Variants in PLSCR4 observed in about 807,000 individuals in gnomAD.
The protein encoded by PLSCR4 is phospholipid scramblase 4.
In PLSCR4, 25 loss-of-function variants were observed where a neutral mutation model predicts 36.3. The observed-to-expected ratio is 0.69, with a 90% CI of 0.50 to 0.96. The LOEUF (loss-of-function observed/expected upper bound fraction) is 0.96. PLSCR4 is among the 40% of genes least tolerant of loss of function. The pLI is 0.00. For missense variants in PLSCR4, 408 were observed against 414.7 expected (o/e 0.98, Z 0.14); for synonymous variants, 122 against 132.9 (o/e 0.92, Z 0.56).
intron 1 of PLSCR4, among the ~76,000 whole-genome samples, chr3:146,230,467 A>T (rs902699174): frequency 6.6e-6 from 1 of 152,224 alleles, no homozygotes; most frequent in African/African-American, 2.4e-5. Context: ...AACTGATCAC[A>T]TTCCTCCCTG....
At chr3:146,218,932 G>A (rs1021075834) in intron 3 of PLSCR4, among the ~76,000 whole-genome samples, 4 of 151,936 alleles carry the variant, frequency 2.6e-5, no homozygotes, top group Non-Finnish European at 5.9e-5. Flanking sequence ...TATTTTTGTG[G>A]GAACACATAT....
intron 4 of PLSCR4, among the ~76,000 whole-genome samples, chr3:146,203,091 T>C (rs2034131662): frequency 6.6e-6 from 1 of 152,090 alleles, no homozygotes; most frequent in South Asian, 2.1e-4. Flanking sequence ...GAATCATGAA[T>C]GTCCTTATTG....
intron 1 of PLSCR4, among the ~76,000 whole-genome samples, chr3:146,229,912 C>T (rs1238757857): frequency 6.6e-6 from 1 of 152,218 alleles, no homozygotes; most frequent in Non-Finnish European, 1.5e-5. Context: ...GCATGAGCCA[C>T]TGCACCTAGC....
chr3:146,225,682 G>C (rs1173898488), intron 1 of PLSCR4, among the ~76,000 whole-genome samples: 2 of 152,210 alleles, frequency 1.3e-5, no homozygotes, highest in Non-Finnish European at 2.9e-5. Flanking sequence ...CAGGAGCTAA[G>C]TCCCTCATTG....
rs140342162 is a variant in PLSCR4 at position 146,199,886 on chromosome 3, C to T, written c.551G>A (p.Arg184Gln). The T allele has an allele frequency of 1.2e-3, 1,957 of 1,613,490 alleles. 20 individuals are homozygous for T. In the African/African-American group the frequency reaches 0.021, roughly 17 times the overall value. The change falls in exon 6 of 9, where the codon CGA becomes CAA. Residue 184 changes from arginine (R) to glutamine (Q), a missense_variant. Transcript: ENST00000354952. ...FVLRVTDCMG[R>Q]EIMTMQRPFR... ...GGGTCTCTGCATTGTCATGATTTCT[C>T]GGCCCATACAATCAGTGACCCGGAG... is the stretch of plus-strand genomic sequence containing the variant.
At chr3:146,239,195 C>T (rs2107843937) in intron 1 of PLSCR4, among the ~76,000 whole-genome samples, 1 of 152,224 alleles carries the variant, frequency 6.6e-6, no homozygotes, top group African/African-American at 2.4e-5. Flanking sequence ...TATCAAAATA[C>T]AAGTTGCCTT....
chr3:146,212,588 T>C (rs2034682396), intron 3 of PLSCR4, among the ~76,000 whole-genome samples: 1 of 152,012 alleles, frequency 6.6e-6, no homozygotes. Context: ...TAACTGGGAC[T>C]ACAGGAGTAC....
chr3:146,209,543 G>GT (rs1335844870), intron 3 of PLSCR4, among the ~76,000 whole-genome samples: 4 of 151,914 alleles, frequency 2.6e-5, no homozygotes, highest in Admixed American at 2.6e-4. Flanking sequence ...ATTTCACTAT[G>GT]TTTTTTTAAA....
At chr3:146,225,924 C>A (rs2035455263) in intron 1 of PLSCR4, among the ~76,000 whole-genome samples, 1 of 152,218 alleles carries the variant, frequency 6.6e-6, no homozygotes, top group Admixed American at 6.5e-5. Flanking sequence ...GAAGTGGGAG[C>A]CCAGGCAGAG....
chr3:146,236,848 A>C (rs1040488647), intron 1 of PLSCR4, among the ~76,000 whole-genome samples: 2 of 152,202 alleles, frequency 1.3e-5, no homozygotes, highest in African/African-American at 2.4e-5. Flanking sequence ...AGAAAGATGA[A>C]AGAGAAAAGG....
At chr3:146,216,741 C>T (rs1484777332) in intron 3 of PLSCR4, among the ~76,000 whole-genome samples, 1 of 152,062 alleles carries the variant, frequency 6.6e-6, no homozygotes, top group African/African-American at 2.4e-5. Flanking sequence ...GAAGAGCACC[C>T]CAGGCGTGAT....
chr3:146,206,871 G>A (rs2034362944), intron 3 of PLSCR4, 110 bp from the exon 4 acceptor site: 6 of 701,432 alleles, frequency 8.6e-6, no homozygotes, highest in African/African-American at 7.2e-5. Flanking sequence ...ATAACAACTT[G>A]TTCCATTTTT....
intron 3 of PLSCR4, among the ~76,000 whole-genome samples, chr3:146,219,800 C>T (rs550028228): frequency 6.6e-6 from 1 of 152,080 alleles, no homozygotes; most frequent in South Asian, 2.1e-4. Flanking sequence ...ATTAGCCGGG[C>T]GTGGTGGTGC....
intron 3 of PLSCR4, among the ~76,000 whole-genome samples, chr3:146,219,211 C>T (rs1009464383): frequency 6.6e-6 from 1 of 152,214 alleles, no homozygotes; most frequent in African/African-American, 2.4e-5. Flanking sequence ...GTAGCCTACT[C>T]TCTTGCTGAA....
chr3:146,194,604 A>T (rs2033613884), intron 8 of PLSCR4, 149 bp from the exon 9 acceptor site: 1 of 563,648 alleles, frequency 1.8e-6, no homozygotes, highest in African/African-American at 1.9e-5. Context: ...ACCTACTGTG[A>T]AGAGCAGCAG....
At chr3:146,238,227 A>G (rs1207995463) in intron 1 of PLSCR4, among the ~76,000 whole-genome samples, 7 of 151,776 alleles carry the variant, frequency 4.6e-5, no homozygotes. Context: ...CCAGGTACAG[A>G]TGATTTACTT....
intron 7 of PLSCR4, 92 bp downstream of exon 7, chr3:146,196,540 C>T: frequency 3.3e-6 from 4 of 1,195,136 alleles, no homozygotes; most frequent in Non-Finnish European, 4.9e-6. Context: ...TATTCATTCA[C>T]ATTAAAAAAA....
chr3:146,220,849 A>G lies in PLSCR4; in HGVS notation c.84T>C (p.Asp28=), dbSNP rs2035104112. The change falls in exon 3 of 9, where the codon GAT becomes GAC. Residue 28 remains aspartate, a synonymous_variant. Coordinates refer to ENST00000354952, the MANE Select transcript of PLSCR4 (RefSeq NM_020353.3). ...NQTKPPDPRP[D]APPEYNSHFL... ...AATGAGAATTGTATTCAGGAGGAGC[A>G]TCAGGCCTTGGATCTGGTGGTTTTG... 6.2e-7 allele frequency: 1 copy of G among 1,613,112 alleles called. No individual in the cohort carries two copies. The highest frequency in any genetic ancestry group is 2.2e-5 in the East Asian group (1 of 44,846).
At chr3:146,246,196 G>T (rs1559931467) in intron 1 of PLSCR4, among the ~76,000 whole-genome samples, 3 of 152,050 alleles carry the variant, frequency 2.0e-5, no homozygotes, top group South Asian at 4.1e-4. Context: ...ATAATTACAT[G>T]TTAACATATA....
Sources: allele counts gnomAD v4.1 joint callset (sites outside exome capture counted in the v4.1 genomes callset), GRCh38; gene constraint gnomAD v4.1.1; transcripts MANE v1.5; gene names NCBI Gene and HGNC (gene_info 2026-07-23, HGNC 2026-07-21).